Variants in IQGAP3 observed in about 807,000 individuals in gnomAD.
IQGAP3 encodes the protein ras GTPase-activating-like protein IQGAP3.
In IQGAP3, 165 loss-of-function variants were observed where a neutral mutation model predicts 208.2. The observed-to-expected ratio is 0.79, with a 90% CI of 0.70 to 0.90. The LOEUF is 0.90. IQGAP3 is among the 40% of genes least tolerant of loss of function. IQGAP3 has a pLI of 0.00. For synonymous variants in IQGAP3, 703 were observed against 803.6 expected (o/e 0.87, Z 2.12); for missense variants, 1,811 against 2,043.1 (o/e 0.89, Z 2.19).
intron 12 of IQGAP3, 88 bp downstream of exon 12, chr1:156,556,445 A>C (rs997752687): frequency 7.7e-7 from 1 of 1,302,486 alleles, no homozygotes; most frequent in African/African-American, 1.5e-5. Flanking sequence ...CTCATATCGC[A>C]CTCACAAGAG....
intron 2 of IQGAP3, among the ~76,000 whole-genome samples, chr1:156,567,766 AC>A (rs1480812039): frequency 6.6e-6 from 1 of 152,206 alleles, no homozygotes; most frequent in Non-Finnish European, 1.5e-5. Flanking sequence ...AGAATTAAGT[AC>A]GTATCCTGCT....
In IQGAP3 at chr1:156,548,448, C is replaced by T. The variant is rs952064515; in HGVS notation, c.2033G>A (p.Gly678Asp). ...AFWVQHDMKD[G>D]TAYYFHLQTF... The stretch of plus-strand genomic sequence containing the variant: ...CTGCAGATGGAAGTAGTAGGCAGTG[C>T]CATCCTTCATGTCATGTTGAACCCA... The change falls in exon 18 of 38, where the codon GGC becomes GAC. Residue 678 changes from glycine to aspartate, a missense_variant. By Grantham distance (94) the Gly-to-Asp change is moderately conservative. Transcript: ENST00000361170. 9.3e-6 allele frequency: 15 copies of T among 1,613,768 alleles called. No individual in the cohort carries two copies. The highest frequency in any genetic ancestry group is 2.2e-5 in the East Asian group (1 of 44,870).
intron 7 of IQGAP3, 73 bp from the exon 8 acceptor site, chr1:156,563,385 C>T (rs1676253597): frequency 6.8e-7 from 1 of 1,471,386 alleles, no homozygotes; most frequent in Non-Finnish European, 9.2e-7. Flanking sequence ...AGTAGCAGCC[C>T]ACTCTAATGT....
At chr1:156,531,482 C>T (rs1046401633) in intron 32 of IQGAP3, among the ~76,000 whole-genome samples, 2 of 152,110 alleles carry the variant, frequency 1.3e-5, no homozygotes, top group African/African-American at 2.4e-5. Context: ...GCCATCCCTT[C>T]TCCTTAGCTC....
intron 19 of IQGAP3, among the ~76,000 whole-genome samples, chr1:156,547,700 T>C (rs1675325862): frequency 6.6e-6 from 1 of 152,220 alleles, no homozygotes; most frequent in Admixed American, 6.5e-5. Context: ...ATAAATAGCA[T>C]GGTAACTTCT....
chr1:156,544,216 G>T lies in IQGAP3; in HGVS notation c.2396C>A (p.Ala799Asp). 6.2e-7 allele frequency: 1 copy of T among 1,614,130 alleles called. No individual in the cohort carries two copies. The highest frequency in any genetic ancestry group is 8.5e-7 in the Non-Finnish European group (1 of 1,180,010). The change falls in exon 21 of 38, where the codon GCC becomes GAC. Residue 799 changes from alanine (A) to aspartate (D), a missense_variant. By Grantham distance (126) the Ala-to-Asp change is moderately radical. Coordinates refer to ENST00000361170, the MANE Select transcript of IQGAP3 (RefSeq NM_178229.5). ...CCGAGCTGCCCACATCCGGGCCCAG[G>T]CCTGGATCTGGGAGAAGAAACACAC... ...ANLDAIIKIQ[A>D]WARMWAARRQ...
rs1056912383 is a variant in IQGAP3, at chr1:156,535,217, C to G, written c.3453G>C (p.Leu1151=). The G allele has an allele frequency of 6.2e-7, 1 of 1,613,554 alleles. No homozygotes were observed. The highest frequency in any genetic ancestry group is 1.7e-5 in the Admixed American group (1 of 59,960). Residue 1151 remains leucine, a synonymous_variant, in exon 28 of 38, where the codon CTG becomes CTC. Coordinates refer to ENST00000361170, the MANE Select transcript of IQGAP3 (RefSeq NM_178229.5). ...GGAATTTCTCTGCCAGAGTTGCCTT[C>G]AGGACTTTGGCCACATATCGCATCC... is the stretch of plus-strand genomic sequence containing the variant. ...PYGMRYVAKV[L]KATLAEKFPD... is the part of the protein sequence containing the mutation.
In IQGAP3 at chr1:156,535,148, G is replaced by A. The variant is rs751772614; in HGVS notation, c.3507+15C>T. 11 of 1,578,992 alleles carry A rather than the reference G, an allele frequency of 7.0e-6. No homozygotes were observed. The highest frequency in any genetic ancestry group is 8.7e-6 in the Non-Finnish European group (10 of 1,148,264). Reference sequence around the variant, plus strand: ...AGGAGGGATTGGGAGGTGGGGGTGGGGAGACAACACTTGCCTTATAGACCT... The same window carrying A: ...AGGAGGGATTGGGAGGTGGGGGTGGAGAGACAACACTTGCCTTATAGACCT... On this transcript the variant is annotated intron_variant, in intron 28 of 37. Coordinates refer to ENST00000361170, the MANE Select transcript of IQGAP3 (RefSeq NM_178229.5).
intron 31 of IQGAP3, 72 bp downstream of exon 31, chr1:156,533,701 C>T: frequency 8.3e-7 from 1 of 1,205,802 alleles, no homozygotes; most frequent in African/African-American, 1.5e-5. Context: ...GCTCACATGC[C>T]CTGCCTGCCT....
In IQGAP3 at chr1:156,552,070, G is replaced by C. The variant is rs778342130; in HGVS notation, c.1474C>G (p.Arg492Gly). 2 of 1,614,106 alleles carry C rather than the reference G, an allele frequency of 1.2e-6. No homozygotes were observed. The change falls in exon 14 of 38, where the codon CGA becomes GGA. Residue 492 changes from arginine to glycine, a missense_variant. Transcript: ENST00000361170. ...TCCTCACCCATCCCACGCTCCTGTCGCAATTTCAGCAGGGCATCGAAGTAA... is the reference window on the plus strand; with the variant it reads ...TCCTCACCCATCCCACGCTCCTGTCCCAATTTCAGCAGGGCATCGAAGTAA... Reference protein sequence around the residue: ...QRYFDALLKLRQERGMGEDFL... With the variant: ...QRYFDALLKLGQERGMGEDFL...
chr1:156,551,833 C>A lies in IQGAP3; in HGVS notation c.1606G>T (p.Asp536Tyr). 1 of 1,612,196 alleles carries A rather than the reference C, an allele frequency of 6.2e-7. No homozygotes were observed. The highest frequency in any genetic ancestry group is 8.5e-7 in the Non-Finnish European group (1 of 1,178,964). ...LAVSLINEAL[D>Y]KGSPEKTLSA... ...AGAGTCTTCTCAGGGCTGCCTTTGTCCAGAGCCTCATTGATGAGGCTGACT... is the reference window on the plus strand; with the variant it reads ...AGAGTCTTCTCAGGGCTGCCTTTGTACAGAGCCTCATTGATGAGGCTGACT... The change falls in exon 15 of 38, where the codon GAC (aspartate) becomes TAC (tyrosine). Residue 536 changes from aspartate to tyrosine, a missense_variant. Physicochemically the swap from Asp to Tyr is radical, Grantham distance 160 (BLOSUM62 -3). Transcript: ENST00000361170.
At position 156,548,227 on chromosome 1, in the gene IQGAP3, A is replaced by C. The variant is rs766536111; in HGVS notation, c.2150T>G (p.Val717Gly). The C allele has an allele frequency of 6.2e-7, 1 of 1,613,734 alleles. No individual in the cohort carries two copies. The highest frequency in any genetic ancestry group is 8.5e-7 in the Non-Finnish European group (1 of 1,179,696). Residue 717 changes from valine to glycine, a missense_variant, in exon 19 of 38, where the codon GTC (valine) becomes GGC (glycine). By Grantham distance (109) the Val-to-Gly change is moderately radical. Coordinates refer to ENST00000361170, the MANE Select transcript of IQGAP3 (RefSeq NM_178229.5). ...REEIQSAVTK[V>G]TAAYDRQQLW... ...CTGTTGGCGGTCATAGGCAGCAGTG[A>C]CCTTGGTGACAGCTGACTGTGGAGG...
chr1:156,564,376 CT>C (rs1431737475), intron 5 of IQGAP3, among the ~76,000 whole-genome samples: 26 of 152,288 alleles, frequency 1.7e-4, no homozygotes, highest in African/African-American at 6.0e-4. Flanking sequence ...TACCCTGCTA[CT>C]TTCCTATCTC....
At chr1:156,530,049 C>T in intron 34 of IQGAP3, 56 bp downstream of exon 34, 1 of 1,348,260 alleles carries the variant, frequency 7.4e-7, no homozygotes, top group Non-Finnish European at 1.0e-6. Context: ...CATGTATATG[C>T]ACGCACACAC....
In IQGAP3 at chr1:156,533,091, G is replaced by A; in HGVS notation, c.3992C>T (p.Ala1331Val). ...CTTGCTCAGGTCCGTGTGCCCATCT[G>A]CAGCGATGCTCTCACCTGAGGTGTG... ...IPDLIGESIA[A>V]DGHTDLSKLE... is the part of the protein sequence containing the mutation. The change falls in exon 32 of 38, where the codon GCA (alanine) becomes GTA (valine). Residue 1331 changes from alanine (A) to valine (V), a missense_variant. By Grantham distance (64) the Ala-to-Val change is moderately conservative. Transcript: ENST00000361170. 1.2e-6 allele frequency: 2 copies of A among 1,613,952 alleles called. No homozygotes were observed. Among genetic ancestry groups the A allele is most frequent in the Non-Finnish European group, 1.7e-6 (2 of 1,179,910 alleles).
rs113784448 is a variant in IQGAP3 at position 156,545,290 on chromosome 1, C to G, written c.2305-818G>C. ...CCAAGCTTGTGTGGGATTAATTTTCCTAAAGTACCTCTTAGACTATAGACT... is the reference window on the plus strand; with the variant it reads ...CCAAGCTTGTGTGGGATTAATTTTCGTAAAGTACCTCTTAGACTATAGACT... On this transcript the variant is annotated intron_variant, in intron 19 of 37. Transcript: ENST00000361170. Among the ~76,000 whole-genome samples the G allele has an allele frequency of 4.2e-3, 641 of 152,192 alleles. 5 individuals are homozygous for G. Among genetic ancestry groups the G allele is most frequent in the African/African-American group, 0.014 (591 of 41,486 alleles).
At chr1:156,541,183 C>A (rs1435783698) in intron 22 of IQGAP3, among the ~76,000 whole-genome samples, 1 of 152,042 alleles carries the variant, frequency 6.6e-6, no homozygotes, top group Non-Finnish European at 1.5e-5. Flanking sequence ...CAGCCTGGGT[C>A]TATCCCAGGG....
intron 15 of IQGAP3, among the ~76,000 whole-genome samples, chr1:156,551,390 C>A (rs57042014): frequency 6.6e-6 from 1 of 152,146 alleles, no homozygotes; most frequent in South Asian, 2.1e-4. Flanking sequence ...GTAGGACCAG[C>A]GTAGGCAGTA....
chr1:156,565,815 T>G (rs535522115), intron 4 of IQGAP3, among the ~76,000 whole-genome samples: 13 of 152,198 alleles, frequency 8.5e-5, no homozygotes, highest in African/African-American at 2.6e-4. Flanking sequence ...CCAGGGAAAC[T>G]TCACCTCCTT....
Sources: allele counts gnomAD v4.1 joint callset (sites outside exome capture counted in the v4.1 genomes callset), GRCh38; gene constraint gnomAD v4.1.1; transcripts MANE v1.5; gene names NCBI Gene and HGNC (gene_info 2026-07-23, HGNC 2026-07-21).